CFAP299: variants seen among roughly 807,000 people sequenced by gnomAD.
CFAP299 encodes the protein cilia- and flagella-associated protein 299.
CFAP299 carries 21 observed loss-of-function variants against 27.0 expected under a neutral mutation model. That is an observed-to-expected ratio of 0.78 (90% CI 0.55 to 1.12). The LOEUF (loss-of-function observed/expected upper bound fraction) is 1.12, where lower values mean the gene tolerates loss of function less well. Ranked by LOEUF, CFAP299 falls within the 50% of genes most tolerant of loss-of-function variation. CFAP299 has a pLI of 0.00. For synonymous variants in CFAP299, 104 were observed against 98.1 expected (o/e 1.06, Z -0.36); for missense variants, 310 against 276.6 (o/e 1.12, Z -0.86).
chr4:80,321,292 A>T, the CFAP299 span, among the ~76,000 whole-genome samples: 4 of 152,194 alleles, frequency 2.6e-5, no homozygotes, highest in Non-Finnish European at 4.4e-5. Flanking sequence ...TTAATTAATC[A>T]AATGTATCTT....
At chr4:80,659,373 A>G (rs1192583446) in intron 3 of CFAP299, among the ~76,000 whole-genome samples, 1 of 152,038 alleles carries the variant, frequency 6.6e-6, no homozygotes, top group East Asian at 1.9e-4. Context: ...ACACTGAGAG[A>G]TGATATTTTG....
intron 2 of CFAP299, among the ~76,000 whole-genome samples, chr4:80,509,854 T>G (rs1353011822): frequency 6.8e-6 from 1 of 147,740 alleles, no homozygotes; most frequent in Non-Finnish European, 1.5e-5. Context: ...TCTGCACTGC[T>G]GCCAGATTTT....
upstream of CFAP299, among the ~76,000 whole-genome samples, chr4:80,333,499 C>G (rs1383834896): frequency 6.6e-6 from 1 of 152,174 alleles, no homozygotes; most frequent in Non-Finnish European, 1.5e-5. Flanking sequence ...CCCTTCCTGT[C>G]ATGTCAACAA....
At chr4:80,374,117 C>T (rs1380406871) in intron 2 of CFAP299, among the ~76,000 whole-genome samples, 1 of 152,072 alleles carries the variant, frequency 6.6e-6, no homozygotes, top group Non-Finnish European at 1.5e-5. Flanking sequence ...GAGTTTGCCT[C>T]ATCTTCTGGG....
chr4:80,963,447 A>AG (rs1054740633), intron 5 of CFAP299, 70 bp from the exon 6 acceptor site: 2 of 891,436 alleles, frequency 2.2e-6, no homozygotes, highest in Admixed American at 8.4e-5. Flanking sequence ...GCAAAAAAAT[A>AG]AAAAAAAAAT....
intron 3 of CFAP299, among the ~76,000 whole-genome samples, chr4:80,679,911 C>G (rs1469734982): frequency 1.3e-5 from 2 of 151,986 alleles, no homozygotes; most frequent in Admixed American, 1.3e-4. Flanking sequence ...ATTCTCTTAA[C>G]ATATGTTTCA....
chr4:80,370,713 AG>A (rs1362274209), intron 2 of CFAP299, among the ~76,000 whole-genome samples: 1 of 152,206 alleles, frequency 6.6e-6, no homozygotes, highest in Admixed American at 6.5e-5. Flanking sequence ...TGCTGATGCA[AG>A]GGGGGCTCCC....
chr4:80,667,294 T>C (rs1014873075), intron 3 of CFAP299, among the ~76,000 whole-genome samples: 1 of 152,206 alleles, frequency 6.6e-6, no homozygotes, highest in Non-Finnish European at 1.5e-5. Context: ...ATCAGTGTAA[T>C]TGTGATATTC....
chr4:80,743,189 A>G (rs940733887), intron 3 of CFAP299, among the ~76,000 whole-genome samples: 2 of 152,034 alleles, frequency 1.3e-5, no homozygotes, highest in African/African-American at 4.8e-5. Context: ...TGAGGTCAGG[A>G]GTTTGTGACC....
chr4:80,538,435 A>G (rs1733847717), intron 2 of CFAP299, among the ~76,000 whole-genome samples: 1 of 152,050 alleles, frequency 6.6e-6, no homozygotes, highest in Admixed American at 6.6e-5. Context: ...AAGTCTAAGT[A>G]TTATACAAGA....
intron 4 of CFAP299, among the ~76,000 whole-genome samples, chr4:80,893,335 C>T (rs1309570537): frequency 6.6e-6 from 1 of 151,568 alleles, no homozygotes; most frequent in Non-Finnish European, 1.5e-5. Flanking sequence ...TTGCAATATC[C>T]TCATTCCAAT....
intron 3 of CFAP299, among the ~76,000 whole-genome samples, chr4:80,867,309 A>G (rs1203456067): frequency 2.0e-5 from 3 of 152,132 alleles, no homozygotes; most frequent in Non-Finnish European, 4.4e-5. Context: ...ACTCTCCCGT[A>G]TGTATGTTTT....
At chr4:80,782,151 G>C (rs1488795510) in intron 3 of CFAP299, among the ~76,000 whole-genome samples, 1 of 151,874 alleles carries the variant, frequency 6.6e-6, no homozygotes. Context: ...CTGTGTGATT[G>C]GTTCAGGGAC....
At chr4:80,625,385 G>A (rs1482304813) in intron 3 of CFAP299, among the ~76,000 whole-genome samples, 2 of 151,894 alleles carry the variant, frequency 1.3e-5, no homozygotes, top group African/African-American at 4.8e-5. Context: ...TCATAGGTAT[G>A]TGAAAATAAA....
chr4:80,822,630 G>T (rs1729766265), intron 3 of CFAP299, among the ~76,000 whole-genome samples: 1 of 152,106 alleles, frequency 6.6e-6, no homozygotes, highest in Non-Finnish European at 1.5e-5. Context: ...TAATATTTTT[G>T]AACTGGATAA....
intron 3 of CFAP299, among the ~76,000 whole-genome samples, chr4:80,624,666 A>T (rs1004503710): frequency 1.3e-5 from 2 of 152,088 alleles, no homozygotes; most frequent in African/African-American, 2.4e-5. Context: ...AATGCAAATA[A>T]GACTATTTTA....
chr4:80,423,336 A>G (rs990887726), intron 2 of CFAP299, among the ~76,000 whole-genome samples: 1 of 152,250 alleles, frequency 6.6e-6, no homozygotes, highest in African/African-American at 2.4e-5. Flanking sequence ...ATAATAGTCC[A>G]TTTGGACTAT....
rs144196692 is a variant in CFAP299 at position 80,530,968 on chromosome 4, C to T, written c.243-52125C>T. Among the ~76,000 whole-genome samples the T allele has an allele frequency of 7.9e-4, 120 of 152,220 alleles. 1 individual carries two copies. The highest frequency in any genetic ancestry group is 2.8e-3 in the African/African-American group (117 of 41,522). ...ATGTAGGGCCTCGTATGTCAATATA[C>T]AAACTTTGGGTTTTATTTAGTATAA... On this transcript the variant is annotated intron_variant, in intron 2 of 5. Transcript: ENST00000358105.
chr4:80,852,863 G>A lies in CFAP299; in HGVS notation c.334-17130G>A, dbSNP rs138224213. ...ATTCCTTTTGATAGATGCATATTAG[G>A]AATATCATCAATGCATTCACTCAGC... On this transcript the variant is annotated intron_variant, in intron 3 of 5. Transcript: ENST00000358105. Among the ~76,000 whole-genome samples the A allele has an allele frequency of 2.0e-4, 30 of 152,212 alleles. No individual in the cohort carries two copies. The East Asian group carries it at 5.6e-3, about 28-fold the overall frequency.
Sources: allele counts gnomAD v4.1 joint callset (sites outside exome capture counted in the v4.1 genomes callset), GRCh38; gene constraint gnomAD v4.1.1; transcripts MANE v1.5; gene names NCBI Gene and HGNC (gene_info 2026-07-23, HGNC 2026-07-21).